Variants in SYCP2 observed in about 807,000 individuals in gnomAD.
SYCP2 encodes synaptonemal complex protein 2, also known as synaptonemal complex lateral element protein.
A neutral mutation model predicts 211.3 loss-of-function variants in SYCP2; 55 were observed. The observed-to-expected ratio is 0.26, with a 90% CI of 0.21 to 0.33. SYCP2 has a LOEUF of 0.33. SYCP2 is among the 10% of genes least tolerant of loss of function. The pLI, the probability that SYCP2 is intolerant of heterozygous loss-of-function variation, is 1.00. For synonymous variants in SYCP2, 570 were observed against 555.2 expected (o/e 1.03, Z -0.37); for missense variants, 1,731 against 1,752.0 (o/e 0.99, Z 0.21).
intron 14 of SYCP2, among the ~76,000 whole-genome samples, chr20:59,909,823 ATAAC>A (rs1222913792): frequency 6.6e-6 from 1 of 152,240 alleles, no homozygotes; most frequent in African/African-American, 2.4e-5. Flanking sequence ...ATTTTAAATA[ATAAC>A]TACTATAAAG....
Position 59,916,583 on chromosome 20 carries a change from T to C in SYCP2, c.428-12A>G. 5 of 1,520,768 alleles carry C rather than the reference T, an allele frequency of 3.3e-6. No individual in the cohort carries two copies. Among genetic ancestry groups the C allele is most frequent in the Non-Finnish European group, 4.6e-6 (5 of 1,095,636 alleles). The allele number at this position is 1,520,768 out of a possible 1,614,324, so 94.2% of individuals were successfully genotyped here. A position where few individuals can be genotyped will look rare whatever the true frequency, so the allele number is the denominator to read the frequency against. On this transcript the variant is annotated splice_polypyrimidine_tract_variant and intron_variant, in intron 7 of 44. Transcript: ENST00000357552. Reference sequence around the variant, plus strand: ...TACTTGTTTTTTACCTGAATAAAAGTGTTAAATTATTGATAAATGTTCATT... The same window carrying C: ...TACTTGTTTTTTACCTGAATAAAAGCGTTAAATTATTGATAAATGTTCATT...
At chr20:59,881,571 G>C in intron 28 of SYCP2, 79 bp from the exon 29 acceptor site, 1 of 701,608 alleles carries the variant, frequency 1.4e-6, no homozygotes, top group Non-Finnish European at 2.3e-6. Context: ...ATAAAATCTA[G>C]TTTTGCTTCA....
intron 7 of SYCP2, among the ~76,000 whole-genome samples, chr20:59,918,006 C>T (rs2060474245): frequency 6.6e-6 from 1 of 152,210 alleles, no homozygotes. Flanking sequence ...ACATCATTCA[C>T]TCTTGTCAGT....
At chr20:59,868,315 G>T in intron 38 of SYCP2, 98 bp downstream of exon 38, 1 of 1,250,326 alleles carries the variant, frequency 8.0e-7, no homozygotes, top group Non-Finnish European at 1.1e-6. Context: ...CATATCCAAA[G>T]TTGTCTTTAC....
intron 26 of SYCP2, among the ~76,000 whole-genome samples, chr20:59,883,735 A>AGG (rs2059730584): frequency 6.6e-6 from 1 of 152,088 alleles, no homozygotes; most frequent in African/African-American, 2.4e-5. Context: ...CAAAGGATAC[A>AGG]AAGTTGCAGA....
At position 59,882,171 on chromosome 20, in the gene SYCP2, A is replaced by G; in HGVS notation, c.2530-6T>C. 6.2e-7 allele frequency: 1 copy of G among 1,604,226 alleles called. No homozygotes were observed. The highest frequency in any genetic ancestry group is 8.5e-7 in the Non-Finnish European group (1 of 1,172,712). On this transcript the variant is annotated splice_polypyrimidine_tract_variant and splice_region_variant and intron_variant, in intron 26 of 44. Transcript: ENST00000357552. ...CTTTTTTTCTGAACTTTTTCCTGAA[A>G]AGAGGGTTATAAAAAAATCATTAAA...
Position 59,863,579 on chromosome 20 carries a change from T to C in SYCP2, c.*732A>G, listed in dbSNP as rs1162932689. 2.0e-5 allele frequency: 3 copies of C among 152,048 alleles called. No individual in the cohort carries two copies. The highest frequency in any genetic ancestry group is 4.4e-5 in the Non-Finnish European group (3 of 67,914). The allele number at this position is 152,048 out of a possible 1,614,324, so 9.4% of individuals were successfully genotyped here. A position where few individuals can be genotyped will look rare whatever the true frequency, so the allele number is the denominator to read the frequency against. ...AAATAGGAATATAATGATTTATATT[T>C]ATTCAAGTGACATAAGCATTTATTT... is the stretch of plus-strand genomic sequence containing the variant. On this transcript the variant is annotated 3_prime_UTR_variant, in exon 45 of 45. Transcript: ENST00000357552.
intron 15 of SYCP2, among the ~76,000 whole-genome samples, chr20:59,904,540 AAG>A (rs2060178800): frequency 6.6e-6 from 1 of 152,172 alleles, no homozygotes; most frequent in Non-Finnish European, 1.5e-5. Context: ...AAGAAGAAAA[AAG>A]AAACTCTTCT....
chr20:59,883,687 T>C (rs1568928053), intron 26 of SYCP2, among the ~76,000 whole-genome samples: 1 of 150,658 alleles, frequency 6.6e-6, no homozygotes, highest in African/African-American at 2.4e-5. Context: ...AAAACAGTGG[T>C]CACCAGAGGA....
In SYCP2 at chr20:59,881,445, T is replaced by A; in HGVS notation, c.2706A>T (p.Ser902=). The A allele has an allele frequency of 6.6e-7, 1 of 1,521,710 alleles. No homozygotes were observed. Among genetic ancestry groups the A allele is most frequent in the South Asian group, 1.2e-5 (1 of 81,556 alleles). 94.3% of individuals were successfully genotyped at this position (1,521,710 alleles called of 1,614,324 possible). A position where few individuals can be genotyped will look rare whatever the true frequency, so the allele number is the denominator to read the frequency against. Residue 902 remains serine (S), a synonymous_variant, in exon 29 of 45, where the codon TCA becomes TCT. Coordinates refer to ENST00000357552, the MANE Select transcript of SYCP2 (RefSeq NM_014258.4). ...CTAATAAAAATACCTACAATCTAAT[T>A]GACCTATCCGCACAAGCTTCTTTAG... ...ATAKEACADR[S]IRLVGPRNHD...
At chr20:59,872,561 G>A (rs956465052) in intron 35 of SYCP2, among the ~76,000 whole-genome samples, 3 of 151,922 alleles carry the variant, frequency 2.0e-5, no homozygotes, top group African/African-American at 7.2e-5. Context: ...AACAATCATA[G>A]GTATGTATGT....
intron 26 of SYCP2, among the ~76,000 whole-genome samples, chr20:59,885,687 A>G (rs549597513): frequency 7.2e-5 from 11 of 152,276 alleles, no homozygotes; most frequent in Admixed American, 7.2e-4. Flanking sequence ...ATACTGAATC[A>G]TATACCAAAA....
Position 59,868,485 on chromosome 20 carries a change from C to G in SYCP2, c.3916G>C (p.Gly1306Arg). The change falls in exon 38 of 45, where the codon GGA becomes CGA. Residue 1306 changes from glycine to arginine, a missense_variant. Gly to Arg is a moderately radical substitution (Grantham distance 125). Transcript: ENST00000357552. ...NSNEVEMEEK[G>R]ERRANLLPKK... ...GGAAGCAAGTTTGCTCTCCTTTCTCCTTTCTCTTCCATTTCTACTTCATTG... is the reference window on the plus strand; with the variant it reads ...GGAAGCAAGTTTGCTCTCCTTTCTCGTTTCTCTTCCATTTCTACTTCATTG... 1 of 1,611,386 alleles carries G rather than the reference C, an allele frequency of 6.2e-7. No homozygotes were observed. Among genetic ancestry groups the G allele is most frequent in the Non-Finnish European group, 8.5e-7 (1 of 1,178,484 alleles).
chr20:59,876,428 A>T (rs2059561863), intron 33 of SYCP2, among the ~76,000 whole-genome samples: 1 of 145,788 alleles, frequency 6.9e-6, no homozygotes, highest in African/African-American at 2.5e-5. Flanking sequence ...GTGATAGAAA[A>T]TGTAGACCTA....
intron 2 of SYCP2, among the ~76,000 whole-genome samples, chr20:59,922,911 GA>G (rs1453707453): frequency 6.6e-6 from 1 of 151,896 alleles, no homozygotes; most frequent in African/African-American, 2.4e-5. Context: ...AATATGCAAG[GA>G]AAGGAGTGAG....
At chr20:59,881,302 CAG>C (rs1020936109) in intron 29 of SYCP2, 133 bp downstream of exon 29, 1 of 609,086 alleles carries the variant, frequency 1.6e-6, no homozygotes, top group African/African-American at 2.0e-5. Context: ...GTTGAAGTAA[CAG>C]AATCATAATG....
At chr20:59,919,130 T>G (rs1423428872) in intron 7 of SYCP2, 28 bp downstream of exon 7, 3 of 1,187,930 alleles carry the variant, frequency 2.5e-6, no homozygotes, top group Non-Finnish European at 3.7e-6. Flanking sequence ...AATTTATTGT[T>G]CCAATAGAAA....
chr20:59,904,400 G>A (rs759253904), intron 15 of SYCP2, among the ~76,000 whole-genome samples: 2 of 152,032 alleles, frequency 1.3e-5, no homozygotes, highest in Non-Finnish European at 2.9e-5. Context: ...AATCTAATAG[G>A]CTCATCATCA....
At chr20:59,881,163 TCC>T (rs1254444349) in intron 29 of SYCP2, 140 bp from the exon 30 acceptor site, 1 of 566,988 alleles carries the variant, frequency 1.8e-6, no homozygotes, top group Non-Finnish European at 3.1e-6. Flanking sequence ...AAGCCACTTA[TCC>T]TCTCTGACCT....
Sources: gnomAD v4.1 joint callset for allele counts (sites outside exome capture counted in the v4.1 genomes callset) on GRCh38, gnomAD v4.1.1 for gene constraint, MANE v1.5 for transcripts, NCBI Gene and HGNC (gene_info 2026-07-23, HGNC 2026-07-21) for gene names.